CADM1: variants seen among roughly 807,000 people sequenced by gnomAD.
CADM1 encodes the protein cell adhesion molecule 1.
A neutral mutation model predicts 53.1 loss-of-function variants in CADM1; 15 were observed. The observed-to-expected ratio is 0.28, with a 90% CI of 0.19 to 0.44. CADM1 has a LOEUF of 0.44. Among genes scored for constraint, CADM1 ranks in the 20% least tolerant of loss-of-function variants. CADM1 has a pLI of 1.00. For synonymous variants in CADM1, 281 were observed against 243.0 expected, an observed-to-expected ratio of 1.16 and a Z score of -1.45; for missense variants, 434 against 611.3, an observed-to-expected ratio of 0.71 and a Z score of 3.06.
intron 1 of CADM1, among the ~76,000 whole-genome samples, chr11:115,298,418 C>CCAGT (rs1944135098): frequency 1.3e-5 from 2 of 152,038 alleles, no homozygotes; most frequent in Non-Finnish European, 2.9e-5. Context: ...ACGATGAGAC[C>CCAGT]CAGTCACTAG....
At position 115,218,000 on chromosome 11, in the gene CADM1, CA is replaced by C; in HGVS notation, c.722-10del. 6.3e-7 allele frequency: 1 copy of C among 1,586,752 alleles called. No individual in the cohort carries two copies. Among genetic ancestry groups the C allele is most frequent in the Non-Finnish European group, 8.7e-7 (1 of 1,155,290 alleles). On this transcript the variant is annotated splice_polypyrimidine_tract_variant and intron_variant, in intron 5 of 11. Transcript: ENST00000331581. ...GTGCACTTGAGGCTTATCTGTGTGA[CA>C]AAAACACAAAGTATAATGTTTAGCA...
At chr11:115,296,521 G>C (rs1944083237) in intron 1 of CADM1, among the ~76,000 whole-genome samples, 1 of 152,090 alleles carries the variant, frequency 6.6e-6, no homozygotes, top group East Asian at 1.9e-4. Flanking sequence ...TAGTTCCCTA[G>C]AGAGTGGGTT....
intron 1 of CADM1, among the ~76,000 whole-genome samples, chr11:115,469,329 T>G (rs1248919985): frequency 2.0e-5 from 3 of 152,176 alleles, no homozygotes; most frequent in Non-Finnish European, 4.4e-5. Flanking sequence ...TTACATATAT[T>G]AACTCATTTT....
chr11:115,210,637 G>C (rs935080641), intron 7 of CADM1, among the ~76,000 whole-genome samples: 8 of 152,170 alleles, frequency 5.3e-5, no homozygotes, highest in African/African-American at 1.2e-4. Flanking sequence ...GAAAGCTTTT[G>C]ATTTTAAATT....
At chr11:115,391,011 G>T (rs1197047270) in intron 1 of CADM1, among the ~76,000 whole-genome samples, 1 of 152,162 alleles carries the variant, frequency 6.6e-6, no homozygotes, top group Non-Finnish European at 1.5e-5. Flanking sequence ...TCCATTTAAT[G>T]ACTGCCGATA....
chr11:115,189,562 G>GAGA (rs10631292), intron 10 of CADM1, among the ~76,000 whole-genome samples: 151,961 of 152,314 alleles, frequency 1, 75,806 homozygotes, highest in East Asian at 1. Context: ...TTTACGTAGG[G>GAGA]AGGACTTATC....
chr11:115,304,800 A>G (rs1053058718), intron 1 of CADM1, among the ~76,000 whole-genome samples: 1 of 152,026 alleles, frequency 6.6e-6, no homozygotes, highest in Admixed American at 6.6e-5. Flanking sequence ...AACAAATGAC[A>G]AGCTTCACTT....
intron 1 of CADM1, among the ~76,000 whole-genome samples, chr11:115,261,223 T>C (rs1942965435): frequency 6.6e-6 from 1 of 152,170 alleles, no homozygotes; most frequent in Non-Finnish European, 1.5e-5. Flanking sequence ...ACAAAAATAA[T>C]GCTAACATGA....
At chr11:115,405,608 C>T (rs544605200) in intron 1 of CADM1, among the ~76,000 whole-genome samples, 3 of 152,176 alleles carry the variant, frequency 2.0e-5, no homozygotes, top group South Asian at 4.2e-4. Flanking sequence ...AAATAAACAG[C>T]GATATTCACA....
chr11:115,212,910 T>C (rs1279009853), intron 7 of CADM1, among the ~76,000 whole-genome samples: 1 of 152,222 alleles, frequency 6.6e-6, no homozygotes, highest in African/African-American at 2.4e-5. Flanking sequence ...ACTAAATAAA[T>C]GCTAGCTATA....
At chr11:115,204,059 T>C (rs1052030100) in intron 8 of CADM1, among the ~76,000 whole-genome samples, 1 of 152,158 alleles carries the variant, frequency 6.6e-6, no homozygotes, top group African/African-American at 2.4e-5. Context: ...GAATGAAAAA[T>C]AATCTTAATG....
chr11:115,243,651 A>G (rs541357760), intron 1 of CADM1, among the ~76,000 whole-genome samples: 2 of 152,250 alleles, frequency 1.3e-5, no homozygotes, highest in African/African-American at 4.8e-5. Context: ...CACATCCTCA[A>G]ATATTTCTTC....
intron 1 of CADM1, among the ~76,000 whole-genome samples, chr11:115,292,145 G>A (rs893710379): frequency 2.0e-5 from 3 of 152,140 alleles, no homozygotes; most frequent in African/African-American, 4.8e-5. Flanking sequence ...ACTTACTTCC[G>A]CACAGTCGCT....
At chr11:115,491,927 G>A (rs188144271) in intron 1 of CADM1, among the ~76,000 whole-genome samples, 1 of 152,234 alleles carries the variant, frequency 6.6e-6, no homozygotes, top group East Asian at 1.9e-4. Flanking sequence ...ACAGGGCAGG[G>A]AACATCATAC....
chr11:115,207,271 A>G (rs1940742917), intron 8 of CADM1: 1 of 152,204 alleles, frequency 6.6e-6, no homozygotes, highest in African/African-American at 2.4e-5. Context: ...TCAAGAGGCT[A>G]AAGTGCATCT....
chr11:115,225,534 A>C (rs181395961), intron 5 of CADM1, among the ~76,000 whole-genome samples: 172 of 152,316 alleles, frequency 1.1e-3, no homozygotes, highest in African/African-American at 3.9e-3. Context: ...AATTGGGCAC[A>C]ACAATTTCTC....
chr11:115,421,860 TC>T (rs1947765551), intron 1 of CADM1, among the ~76,000 whole-genome samples: 2 of 152,304 alleles, frequency 1.3e-5, no homozygotes, highest in Middle Eastern at 3.4e-3. Flanking sequence ...GGATCACGTC[TC>T]AACAGATAAG....
chr11:115,203,872 G>A (rs1313577025), intron 8 of CADM1, among the ~76,000 whole-genome samples: 1 of 152,098 alleles, frequency 6.6e-6, no homozygotes, highest in Non-Finnish European at 1.5e-5. Flanking sequence ...AAAAAAAAAT[G>A]TAGACACTTA....
chr11:115,232,541 A>G (rs1362322982), intron 3 of CADM1, among the ~76,000 whole-genome samples: 8 of 152,230 alleles, frequency 5.3e-5, no homozygotes, highest in South Asian at 4.1e-4. Flanking sequence ...CAGAATTACA[A>G]CCACCCTTCT....
Sources: gnomAD v4.1 joint callset for allele counts (sites outside exome capture counted in the v4.1 genomes callset) on GRCh38, gnomAD v4.1.1 for gene constraint, MANE v1.5 for transcripts, NCBI Gene and HGNC (gene_info 2026-07-23, HGNC 2026-07-21) for gene names.